STRA8: variants seen among roughly 807,000 people sequenced by gnomAD.
The protein encoded by STRA8 is stimulated by retinoic acid gene 8 protein homolog.
STRA8 carries 18 observed loss-of-function variants against 37.1 expected under a neutral mutation model. That is an observed-to-expected ratio of 0.48 (90% CI 0.34 to 0.72). The LOEUF is 0.72. STRA8 is among the 30% of genes least tolerant of loss of function. STRA8 has a pLI of 0.01. For missense variants in STRA8, 357 were observed against 410.4 expected, an observed-to-expected ratio of 0.87 and a Z score of 1.13; for synonymous variants, 168 against 162.9, an observed-to-expected ratio of 1.03 and a Z score of -0.24.
chr7:135,251,800 T>C lies in STRA8; in HGVS notation c.884T>C (p.Leu295Pro). 1 of 1,614,078 alleles carries C rather than the reference T, an allele frequency of 6.2e-7. No individual in the cohort carries two copies. The highest frequency in any genetic ancestry group is 8.5e-7 in the Non-Finnish European group (1 of 1,179,932). ...AAGTGTTGTGCTTTCTTTCAGATCC[T>C]TTTTGAGGATGCCTTTGATGTGGCA... ...CSLVSTPEEI[L>P]FEDAFDVASF... The change falls in exon 7 of 9, where the codon CTT (leucine) becomes CCT (proline). Residue 295 changes from leucine to proline, a missense_variant. Leu to Pro is a moderately conservative substitution (Grantham distance 98, BLOSUM62 -3). Coordinates refer to ENST00000662584, the MANE Select transcript of STRA8 (RefSeq NM_001394401.1).
Position 135,246,740 on chromosome 7 carries a change from G to A in STRA8, c.879+38G>A. ...ACCGGGGTGGCGTGGATGGGGCACGGGAACCACCCTCGCCCTCGCCTGGGG... is the reference window on the plus strand; with the variant it reads ...ACCGGGGTGGCGTGGATGGGGCACGAGAACCACCCTCGCCCTCGCCTGGGG... On this transcript the variant is annotated intron_variant, in intron 6 of 8. Transcript: ENST00000662584. This position sits in a 1 kb window ranked among gnomAD's most constrained non-coding sequence, Gnocchi z 5.4. 1 of 1,486,906 alleles carries A rather than the reference G, an allele frequency of 6.7e-7. No homozygotes were observed. Among genetic ancestry groups the A allele is most frequent in the Non-Finnish European group, 8.9e-7 (1 of 1,126,948 alleles). 92.1% of individuals were successfully genotyped at this position (1,486,906 alleles called of 1,614,324 possible). A position where few individuals can be genotyped will look rare whatever the true frequency, so the allele number is the denominator to read the frequency against.
intron 1 of STRA8, among the ~76,000 whole-genome samples, chr7:135,236,737 C>T (rs949777152): frequency 4.9e-4 from 75 of 152,164 alleles, no homozygotes; most frequent in African/African-American, 1.7e-3. Context: ...TCCCCTCCAC[C>T]CACCAAGATT....
chr7:135,242,715 T>C (rs1832485211), intron 2 of STRA8, 66 bp from the exon 3 acceptor site: 3 of 1,531,546 alleles, frequency 2.0e-6, no homozygotes, highest in Non-Finnish European at 1.8e-6. Context: ...AAGGGATTCC[T>C]GGGTCCACAA....
At position 135,246,696 on chromosome 7, in the gene STRA8, C is replaced by T. The variant is rs1221441376; in HGVS notation, c.873C>T (p.Pro291=). The part of the protein sequence containing the change: ...QGASCSLVST[P]EEILFEDAFD... ...CCAGCTGCTCGCTGGTCTCCACGCC[C>T]GAGGAGGTGAGCAGGCCCACCGGGG... The change falls in exon 6 of 9, where the codon CCC becomes CCT. Residue 291 remains proline (P), a synonymous_variant. Transcript: ENST00000662584. This position sits in a 1 kb window ranked among gnomAD's most constrained non-coding sequence, Gnocchi z 5.4. The T allele has an allele frequency of 5.3e-6, 8 of 1,521,226 alleles. No homozygotes were observed. Among genetic ancestry groups the T allele is most frequent in the South Asian group, 2.4e-5 (2 of 82,822 alleles). 94.2% of individuals were successfully genotyped at this position (1,521,226 alleles called of 1,614,324 possible). A position where few individuals can be genotyped will look rare whatever the true frequency, so the allele number is the denominator to read the frequency against.
chr7:135,244,016 T>C (rs1216664904), intron 4 of STRA8, among the ~76,000 whole-genome samples: 3 of 152,202 alleles, frequency 2.0e-5, no homozygotes, highest in East Asian at 1.9e-4. Flanking sequence ...ATTTGAGAAA[T>C]GTACTTTTAT....
intron 2 of STRA8, among the ~76,000 whole-genome samples, chr7:135,242,252 GA>G (rs1832478636): frequency 7.0e-6 from 1 of 143,694 alleles, no homozygotes; most frequent in Non-Finnish European, 1.5e-5. Context: ...GGGAGGGAGG[GA>G]AAAAGGGAAA....
upstream of STRA8, among the ~76,000 whole-genome samples, chr7:135,232,760 A>C (rs749763936): frequency 6.6e-6 from 1 of 152,224 alleles, no homozygotes; most frequent in Non-Finnish European, 1.5e-5. Flanking sequence ...TAAGCCTCCC[A>C]GGTACCCTAC....
intron 1 of STRA8, among the ~76,000 whole-genome samples, chr7:135,238,303 G>A (rs1483318225): frequency 6.6e-6 from 1 of 152,188 alleles, no homozygotes; most frequent in Non-Finnish European, 1.5e-5. Flanking sequence ...CATGCTCTGG[G>A]GCTGTCCCCG....
intron 6 of STRA8, among the ~76,000 whole-genome samples, chr7:135,248,197 G>T (rs1409623880): frequency 3.3e-5 from 5 of 152,230 alleles, no homozygotes; most frequent in African/African-American, 9.6e-5. Context: ...CCTGGAGAAC[G>T]ACAGAGATGT....
intron 2 of STRA8, among the ~76,000 whole-genome samples, chr7:135,242,313 A>G (rs998171665): frequency 2.6e-5 from 4 of 152,196 alleles, no homozygotes; most frequent in African/African-American, 9.7e-5. Flanking sequence ...TTTTTAGATC[A>G]TCTGGAGCGT....
At chr7:135,250,408 G>A (rs147305542) in intron 6 of STRA8, among the ~76,000 whole-genome samples, 1 of 152,192 alleles carries the variant, frequency 6.6e-6, no homozygotes. Context: ...GGACACTGAA[G>A]CACAGGTCTT....
chr7:135,232,175 C>A, upstream of STRA8: 1 of 813,514 alleles, frequency 1.2e-6, no homozygotes, highest in Non-Finnish European at 2.1e-6. Context: ...AGGTCAGTTT[C>A]CAAACCACTC....
At position 135,254,619 on chromosome 7, in the gene STRA8, G is replaced by A. The variant is rs568858403; in HGVS notation, c.954-495G>A. Reference sequence around the variant, plus strand: ...GTGCTGCTTATGGTGACATAAGCTCGAGTCACACAGGGCTTCTCCCCTTGT... The same window carrying A: ...GTGCTGCTTATGGTGACATAAGCTCAAGTCACACAGGGCTTCTCCCCTTGT... On this transcript the variant is annotated intron_variant, in intron 7 of 8. Transcript: ENST00000662584. Among the ~76,000 whole-genome samples the A allele has an allele frequency of 2.6e-5, 4 of 152,282 alleles. No homozygotes were observed. In the South Asian group the frequency reaches 8.3e-4, roughly 32 times the overall value.
upstream of STRA8, among the ~76,000 whole-genome samples, chr7:135,232,411 G>GA (rs1296057523): frequency 6.6e-6 from 1 of 151,942 alleles, no homozygotes; most frequent in Non-Finnish European, 1.5e-5. Context: ...CAGAAATGGG[G>GA]CAGCGACCCA....
chr7:135,240,713 A>G lies in STRA8; in HGVS notation c.189A>G (p.Ser63=), dbSNP rs1360284491. The G allele has an allele frequency of 1.9e-6, 3 of 1,613,632 alleles. No homozygotes were observed. The highest frequency in any genetic ancestry group is 2.7e-5 in the African/African-American group (2 of 74,894). The change falls in exon 2 of 9, where the codon TCA becomes TCG. Residue 63 remains serine (S), a synonymous_variant. Transcript: ENST00000662584. Reference sequence around the variant, plus strand: ...ACTCTCAGTCTGATCTCATAGCCTCAAAGGTATGGGGACCTGGAGGAGGAG... The same window carrying G: ...ACTCTCAGTCTGATCTCATAGCCTCGAAGGTATGGGGACCTGGAGGAGGAG... ...TVYSQSDLIA[S]KWQVLNKAKS...
chr7:135,241,704 C>T (rs532445386), intron 2 of STRA8, among the ~76,000 whole-genome samples: 17 of 152,330 alleles, frequency 1.1e-4, no homozygotes, highest in African/African-American at 3.1e-4. Context: ...CAGCCCTTTG[C>T]TTCTACCCCT....
intron 1 of STRA8, among the ~76,000 whole-genome samples, chr7:135,236,381 G>GT (rs1380375922): frequency 4.6e-5 from 7 of 151,994 alleles, no homozygotes; most frequent in African/African-American, 1.7e-4. Context: ...TATGACCCAG[G>GT]TATCAAGCCA....
chr7:135,244,247 C>T lies in STRA8; in HGVS notation c.353+837C>T, dbSNP rs1313407968. Among the ~76,000 whole-genome samples, 4 of 152,256 alleles carry T rather than the reference C, an allele frequency of 2.6e-5. No individual in the cohort carries two copies. The South Asian group carries it at 8.3e-4, about 32-fold the overall frequency. The stretch of plus-strand genomic sequence containing the variant: ...CTAGTTTTTGTATTTTTAGTAGACA[C>T]GGGGTTTCAACATGTTGCCCAAGCT... On this transcript the variant is annotated intron_variant, in intron 4 of 8. Transcript: ENST00000662584.
chr7:135,232,927 C>T (rs796266068), upstream of STRA8, among the ~76,000 whole-genome samples: 2 of 152,204 alleles, frequency 1.3e-5, no homozygotes, highest in Admixed American at 6.5e-5. Flanking sequence ...AGCAAGGGGG[C>T]GCCTGGGCGG....
Sources: gnomAD v4.1 joint callset for allele counts (sites outside exome capture counted in the v4.1 genomes callset) on GRCh38, gnomAD v4.1.1 for gene constraint, Gnocchi (gnomAD v3.1) non-coding constraint, MANE v1.5 for transcripts, NCBI Gene and HGNC (gene_info 2026-07-23, HGNC 2026-07-21) for gene names.